The following EPHA6 variants were observed in gnomAD, a reference collection of about 807,000 sequenced individuals.
The protein encoded by EPHA6 is EPH receptor A6, also known as ephrin type-A receptor 6.
EPHA6 carries 50 observed loss-of-function variants against 112.0 expected under a neutral mutation model. The ratio of observed to expected loss-of-function variants is 0.45; its 90% confidence interval spans 0.36 to 0.56. EPHA6 has a LOEUF of 0.56. EPHA6 is among the 20% of genes least tolerant of loss of function. The pLI, the probability that EPHA6 is intolerant of heterozygous loss-of-function variation, is 0.00. For missense variants in EPHA6, 1,280 were observed against 1,417.4 expected, an observed-to-expected ratio of 0.90 and a Z score of 1.56; for synonymous variants, 529 against 490.7, an observed-to-expected ratio of 1.08 and a Z score of -1.03.
At chr3:97,182,468 CTT>C (rs1284367122) in intron 3 of EPHA6, among the ~76,000 whole-genome samples, 1 of 151,748 alleles carries the variant, frequency 6.6e-6, no homozygotes, top group Non-Finnish European at 1.5e-5. Context: ...CAATGACAGT[CTT>C]TACAGATTGG....
chr3:97,043,875 C>G (rs2045408981), intron 3 of EPHA6, among the ~76,000 whole-genome samples: 1 of 152,134 alleles, frequency 6.6e-6, no homozygotes, highest in South Asian at 2.1e-4. Flanking sequence ...CCCAGGGCTG[C>G]CCCAGACCCT....
chr3:97,096,579 G>C (rs2047245341), intron 3 of EPHA6, among the ~76,000 whole-genome samples: 4 of 151,756 alleles, frequency 2.6e-5, no homozygotes. Context: ...AACCTGTCAT[G>C]GGTTATGCCA....
intron 10 of EPHA6, among the ~76,000 whole-genome samples, chr3:97,513,436 T>G (rs2092398409): frequency 6.6e-6 from 1 of 152,184 alleles, no homozygotes; most frequent in Non-Finnish European, 1.5e-5. Flanking sequence ...CACCAACAGA[T>G]AAATGGATTT....
intron 5 of EPHA6, among the ~76,000 whole-genome samples, chr3:97,372,663 A>G (rs2085125295): frequency 6.6e-6 from 1 of 152,170 alleles, no homozygotes; most frequent in Non-Finnish European, 1.5e-5. Context: ...TTGGGAATTT[A>G]GAAGTGTAGC....
At chr3:97,273,754 A>T (rs1266786112) in intron 5 of EPHA6, among the ~76,000 whole-genome samples, 1 of 152,226 alleles carries the variant, frequency 6.6e-6, no homozygotes, top group Non-Finnish European at 1.5e-5. Flanking sequence ...CTGGTCTGCT[A>T]TCGGACTGTA....
chr3:96,879,944 C>T (rs866429300), intron 2 of EPHA6, among the ~76,000 whole-genome samples: 12 of 151,922 alleles, frequency 7.9e-5, no homozygotes, highest in African/African-American at 2.4e-4. Context: ...ATGATATCAT[C>T]AGAAGCGAGG....
At chr3:97,077,217 A>G (rs568877452) in intron 3 of EPHA6, among the ~76,000 whole-genome samples, 1 of 152,260 alleles carries the variant, frequency 6.6e-6, no homozygotes, top group East Asian at 1.9e-4. Context: ...TTTGTGATTT[A>G]TGGGAGGTGA....
chr3:97,365,451 C>T (rs757104036), intron 5 of EPHA6, among the ~76,000 whole-genome samples: 2 of 151,604 alleles, frequency 1.3e-5, no homozygotes, highest in African/African-American at 2.4e-5. Context: ...AGTGCTATGG[C>T]GTGATCTCGG....
intron 1 of EPHA6, among the ~76,000 whole-genome samples, chr3:96,818,359 G>T (rs1042229126): frequency 2.0e-5 from 3 of 151,830 alleles, no homozygotes; most frequent in African/African-American, 7.3e-5. Context: ...ATAATCAATT[G>T]CATACTCAAA....
intron 6 of EPHA6, among the ~76,000 whole-genome samples, chr3:97,408,495 C>A (rs1482274655): frequency 1.3e-5 from 2 of 151,970 alleles, no homozygotes; most frequent in African/African-American, 4.8e-5. Flanking sequence ...TTTGTTATTT[C>A]ATTATTCTCT....
intron 5 of EPHA6, among the ~76,000 whole-genome samples, chr3:97,301,916 C>A (rs926245189): frequency 2.0e-5 from 3 of 151,988 alleles, no homozygotes; most frequent in Non-Finnish European, 4.4e-5. Context: ...ATATTTGAAG[C>A]CGCATCACCT....
chr3:97,276,379 G>A (rs1353990363), intron 5 of EPHA6, among the ~76,000 whole-genome samples: 14 of 151,930 alleles, frequency 9.2e-5, no homozygotes, highest in Admixed American at 5.2e-4. Flanking sequence ...GATGGGATGC[G>A]GCTTAGGAGG....
intron 3 of EPHA6, among the ~76,000 whole-genome samples, chr3:97,096,932 A>T (rs1254760877): frequency 1.3e-5 from 2 of 151,812 alleles, no homozygotes; most frequent in African/African-American, 4.8e-5. Flanking sequence ...TTAAATGCCC[A>T]CATCTCCTAA....
intron 11 of EPHA6, among the ~76,000 whole-genome samples, chr3:97,533,931 T>C (rs1202655960): frequency 2.0e-5 from 3 of 152,120 alleles, no homozygotes; most frequent in Non-Finnish European, 4.4e-5. Context: ...GGTTGACATC[T>C]TGTGCAGGAA....
intron 14 of EPHA6, among the ~76,000 whole-genome samples, chr3:97,677,002 G>T (rs1287028856): frequency 2.0e-5 from 3 of 152,016 alleles, no homozygotes; most frequent in Non-Finnish European, 4.4e-5. Context: ...TTGAACACTT[G>T]GAAATGTGAC....
At chr3:96,978,962 T>C (rs552814410) in intron 2 of EPHA6, among the ~76,000 whole-genome samples, 2 of 151,988 alleles carry the variant, frequency 1.3e-5, no homozygotes, top group East Asian at 3.9e-4. Context: ...AAAGTTAATC[T>C]CATATTTTCA....
At chr3:96,982,520 A>G (rs1230959257) in intron 2 of EPHA6, among the ~76,000 whole-genome samples, 1 of 152,306 alleles carries the variant, frequency 6.6e-6, no homozygotes, top group East Asian at 1.9e-4. Context: ...GCTGAGAAGA[A>G]TGTATATTCT....
At chr3:96,870,791 AT>A (rs2036584869) in intron 2 of EPHA6, among the ~76,000 whole-genome samples, 1 of 151,986 alleles carries the variant, frequency 6.6e-6, no homozygotes, top group South Asian at 2.1e-4. Flanking sequence ...TCCTAATATA[AT>A]TTTTCCAAAG....
intron 3 of EPHA6, among the ~76,000 whole-genome samples, chr3:97,075,340 AG>A (rs1290046747): frequency 2.0e-5 from 3 of 152,080 alleles, no homozygotes; most frequent in Non-Finnish European, 4.4e-5. Flanking sequence ...CGCATGTTCC[AG>A]AATTTTTCCA....
Sources: allele counts gnomAD v4.1 joint callset (sites outside exome capture counted in the v4.1 genomes callset), GRCh38; gene constraint gnomAD v4.1.1; transcripts MANE v1.5; gene names NCBI Gene and HGNC (gene_info 2026-07-23, HGNC 2026-07-21).